Variants in ZDHHC21 observed in about 807,000 individuals in gnomAD.
ZDHHC21 encodes zDHHC palmitoyltransferase 21.
A neutral mutation model predicts 34.6 loss-of-function variants in ZDHHC21; 15 were observed. The observed-to-expected ratio is 0.43, with a 90% CI of 0.29 to 0.67. The LOEUF is 0.67. Among genes scored for constraint, ZDHHC21 ranks in the 30% least tolerant of loss-of-function variants. The pLI is 0.14. For missense variants in ZDHHC21, 344 were observed against 327.7 expected, an observed-to-expected ratio of 1.05 and a Z score of -0.38; for synonymous variants, 142 against 101.8, an observed-to-expected ratio of 1.40 and a Z score of -2.38.
the ZDHHC21 span, among the ~76,000 whole-genome samples, chr9:14,595,251 G>A: frequency 6.6e-6 from 1 of 152,154 alleles, no homozygotes; most frequent in Non-Finnish European, 1.5e-5. Flanking sequence ...AAAACTGAAA[G>A]CAATCCACAT....
intron 8 of ZDHHC21, among the ~76,000 whole-genome samples, chr9:14,638,171 C>CAGACACAT (rs994471087): frequency 6.6e-6 from 1 of 151,960 alleles, no homozygotes; most frequent in Non-Finnish European, 1.5e-5. Flanking sequence ...TGTATAAAAG[C>CAGACACAT]AGACACATAG....
chr9:14,624,172 G>A (rs181660756), intron 8 of ZDHHC21, among the ~76,000 whole-genome samples: 6 of 151,770 alleles, frequency 4.0e-5, no homozygotes, highest in South Asian at 2.1e-4. Context: ...ACGTTGTATC[G>A]GGTATTATAA....
rs373555146 is a variant in ZDHHC21 at position 14,667,515 on chromosome 9, T to C, written c.254-5189A>G. 4.4e-4 allele frequency among the ~76,000 whole-genome samples: 62 copies of C among 142,152 alleles called. 1 individual carries two copies. In the East Asian group the frequency reaches 8.1e-3, roughly 19 times the overall value. 93.3% of individuals were successfully genotyped at this position (142,152 alleles called of 152,430 possible). On this transcript the variant is annotated intron_variant, in intron 5 of 9. Coordinates refer to ENST00000380916, the MANE Select transcript of ZDHHC21 (RefSeq NM_178566.6). ...ACTCATTTTATGAGGCCAGCATCATTCTGATACCAAAGCCGGGCAGAGACA... is the reference window on the plus strand; with the variant it reads ...ACTCATTTTATGAGGCCAGCATCATCCTGATACCAAAGCCGGGCAGAGACA...
intron 5 of ZDHHC21, among the ~76,000 whole-genome samples, chr9:14,670,945 T>C (rs920365828): frequency 2.0e-5 from 3 of 152,050 alleles, no homozygotes; most frequent in Non-Finnish European, 4.4e-5. Flanking sequence ...CCACAAAGGA[T>C]CTTGGCGACT....
chr9:14,631,012 C>A (rs1415861560), intron 8 of ZDHHC21, among the ~76,000 whole-genome samples: 2 of 152,176 alleles, frequency 1.3e-5, no homozygotes, highest in Admixed American at 6.5e-5. Context: ...CTTACAGTCA[C>A]CAGCTGCATT....
At chr9:14,602,865 G>A in the ZDHHC21 span, among the ~76,000 whole-genome samples, 1 of 131,640 alleles carries the variant, frequency 7.6e-6, no homozygotes, top group Non-Finnish European at 1.5e-5. Flanking sequence ...CGAGGTTACA[G>A]TGAAGTTATG....
At chr9:14,619,805 T>C in intron 8 of ZDHHC21, 123 bp from the exon 9 acceptor site, 1 of 479,294 alleles carries the variant, frequency 2.1e-6, no homozygotes, top group East Asian at 5.4e-5. Context: ...AGTTTATATA[T>C]GAGTATTATG....
chr9:14,676,433 G>C (rs1336134994), intron 3 of ZDHHC21, among the ~76,000 whole-genome samples: 1 of 151,742 alleles, frequency 6.6e-6, no homozygotes, highest in Non-Finnish European at 1.5e-5. Flanking sequence ...AAGAGATTAA[G>C]GAATACTTGA....
chr9:14,672,822 T>C lies in ZDHHC21; in HGVS notation c.253+8A>G. 2 of 1,592,824 alleles carry C rather than the reference T, an allele frequency of 1.3e-6. No individual in the cohort carries two copies. Among genetic ancestry groups the C allele is most frequent in the South Asian group, 1.1e-5 (1 of 88,870 alleles). ...ATCAGCAAAACTGATAAATCCAGAG[T>C]ACCATACCTCCATGTGGGATCTTGG... On this transcript the variant is annotated splice_region_variant and intron_variant, in intron 5 of 9. Transcript: ENST00000380916.
chr9:14,634,944 G>A (rs1265866967), intron 8 of ZDHHC21, among the ~76,000 whole-genome samples: 1 of 151,852 alleles, frequency 6.6e-6, no homozygotes, highest in African/African-American at 2.4e-5. Flanking sequence ...GAAGCAATTA[G>A]AAAAACAATT....
At chr9:14,589,704 A>G in the ZDHHC21 span, 5 of 152,222 alleles carry the variant, frequency 3.3e-5, no homozygotes, top group Admixed American at 2.6e-4. Context: ...AATTGAACAC[A>G]TGCCTTAGTT....
At position 14,690,247 on chromosome 9, in the gene ZDHHC21, G is replaced by A. The variant is rs1838971378; in HGVS notation, c.-176+90C>T. The A allele has an allele frequency of 7.1e-6, 3 of 421,138 alleles. No homozygotes were observed. The East Asian group carries it at 2.2e-4, about 31-fold the overall frequency. 26.1% of individuals were successfully genotyped at this position (421,138 alleles called of 1,614,324 possible). ...AGAGATTGGTGGGGGGTTGGGGGTA[G>A]AAGACTAAATTAGATTTCCTTCACA... On this transcript the variant is annotated intron_variant, in intron 2 of 9. Transcript: ENST00000380916.
rs34420387 is a variant in ZDHHC21 at position 14,623,672 on chromosome 9, C to CA, written c.622-3991dup. The stretch of plus-strand genomic sequence containing the variant: ...AAAAAAAAAAAAAAGAGAGAGAAAA[C>CA]AAAAAAAATCTGATTCTAAAACAGA... On this transcript the variant is annotated intron_variant, in intron 8 of 9. Transcript: ENST00000380916. Among the ~76,000 whole-genome samples, 11 of 131,768 alleles carry CA rather than the reference C, an allele frequency of 8.3e-5. No homozygotes were observed. In the East Asian group the frequency reaches 1.1e-3, roughly 14 times the overall value. 86.4% of individuals were successfully genotyped at this position (131,768 alleles called of 152,430 possible).
intron 8 of ZDHHC21, among the ~76,000 whole-genome samples, chr9:14,624,394 C>T (rs1292947671): frequency 2.6e-5 from 4 of 152,090 alleles, no homozygotes; most frequent in Non-Finnish European, 4.4e-5. Flanking sequence ...CAGCACTCTT[C>T]ATAATAGCCA....
intron 3 of ZDHHC21, among the ~76,000 whole-genome samples, chr9:14,675,136 C>CT (rs1564375003): frequency 6.6e-6 from 1 of 151,792 alleles, no homozygotes; most frequent in African/African-American, 2.4e-5. Flanking sequence ...TTAAATGAGG[C>CT]TTTTTTTAGT....
intron 7 of ZDHHC21, among the ~76,000 whole-genome samples, chr9:14,651,824 G>C (rs1831295498): frequency 1.3e-5 from 2 of 151,850 alleles, no homozygotes; most frequent in Non-Finnish European, 2.9e-5. Context: ...GTAACTATGT[G>C]AAATAGTCAA....
At chr9:14,633,809 T>C (rs1827794916) in intron 8 of ZDHHC21, among the ~76,000 whole-genome samples, 1 of 152,076 alleles carries the variant, frequency 6.6e-6, no homozygotes, top group Non-Finnish European at 1.5e-5. Context: ...ACAAGCAAAG[T>C]GTGCAATCCC....
chr9:14,667,722 G>A (rs1834728516), intron 5 of ZDHHC21, among the ~76,000 whole-genome samples: 1 of 79,438 alleles, frequency 1.3e-5, no homozygotes, highest in Non-Finnish European at 2.5e-5. Flanking sequence ...ATGTAATCCA[G>A]CATATAAACA....
chr9:14,644,946 A>G (rs1437620945), intron 7 of ZDHHC21, among the ~76,000 whole-genome samples: 2 of 152,090 alleles, frequency 1.3e-5, no homozygotes. Context: ...ATATAAACAG[A>G]GCAAGGTAGG....
Sources: allele counts gnomAD v4.1 joint callset (sites outside exome capture counted in the v4.1 genomes callset), GRCh38; gene constraint gnomAD v4.1.1; transcripts MANE v1.5; gene names NCBI Gene and HGNC (gene_info 2026-07-23, HGNC 2026-07-21).